DLG5: variants seen among roughly 807,000 people sequenced by gnomAD.
DLG5 encodes disks large homolog 5.
A neutral mutation model predicts 189.8 loss-of-function variants in DLG5; 48 were observed. The ratio of observed to expected loss-of-function variants is 0.25; its 90% CI spans 0.20 to 0.32. The LOEUF is 0.32. DLG5 is among the 10% of genes least tolerant of loss of function. The pLI is 1.00. For missense variants in DLG5, 2,160 were observed against 2,544.7 expected (o/e 0.85, Z 3.25); for synonymous variants, 1,016 against 1,054.1 (o/e 0.96, Z 0.70).
chr10:77,911,139 T>A (rs914891078), intron 1 of DLG5, among the ~76,000 whole-genome samples: 7 of 152,168 alleles, frequency 4.6e-5, no homozygotes, highest in African/African-American at 1.7e-4. Flanking sequence ...ATTGATTGAT[T>A]GATTGATTGA....
chr10:77,913,084 A>G (rs1319393706), intron 1 of DLG5, among the ~76,000 whole-genome samples: 2 of 152,224 alleles, frequency 1.3e-5, no homozygotes, highest in Admixed American at 6.5e-5. Flanking sequence ...TGGCTAAAAA[A>G]AATAAAAATA....
chr10:77,936,835 C>T, the DLG5 span, among the ~76,000 whole-genome samples: 1 of 152,206 alleles, frequency 6.6e-6, no homozygotes, highest in Non-Finnish European at 1.5e-5. Flanking sequence ...ATCCCTTCTT[C>T]CTGTTAAAAC....
chr10:77,868,695 C>G (rs928386037), intron 2 of DLG5: 1 of 232,016 alleles, frequency 4.3e-6, no homozygotes, highest in Non-Finnish European at 8.5e-6. Context: ...CAGAGAAGGG[C>G]TGGCCTCATT....
chr10:77,825,832 C>T (rs948808911), intron 13 of DLG5, among the ~76,000 whole-genome samples: 2 of 152,176 alleles, frequency 1.3e-5, no homozygotes, highest in Admixed American at 6.5e-5. Flanking sequence ...GCTAGGATTA[C>T]AGGCGTGAGC....
At position 77,821,968 on chromosome 10, in the gene DLG5, T is replaced by C. The variant is rs1589156914; in HGVS notation, c.2516A>G (p.Asn839Ser). 4 of 1,614,264 alleles carry C rather than the reference T, an allele frequency of 2.5e-6. No homozygotes were observed. The highest frequency in any genetic ancestry group is 1.1e-5 in the South Asian group (1 of 91,090). The change falls in exon 15 of 32, where the codon AAT becomes AGT. Residue 839 changes from asparagine (N) to serine (S), a missense_variant. By Grantham distance (46) the Asn-to-Ser change is conservative (BLOSUM62 1). This residue lies in a region of DLG5 where 754 missense variants were observed against 746.5 expected (regional missense o/e 1.01). Coordinates refer to ENST00000372391, the MANE Select transcript of DLG5 (RefSeq NM_004747.4). The stretch of plus-strand genomic sequence containing the variant: ...GAAGATGTCTGTCTGCGTGGAGTTA[T>C]TGTGCTGTATCAAGTTCCGTTTGTT... ...AHNKRNLIQH[N>S]NSTQTDIFYT... is the part of the protein sequence containing the mutation.
At chr10:77,935,162 G>A in the DLG5 span, among the ~76,000 whole-genome samples, 1 of 152,034 alleles carries the variant, frequency 6.6e-6, no homozygotes, top group Non-Finnish European at 1.5e-5. Context: ...AGCCTTAAAT[G>A]GGTGCTGTTC....
At position 77,790,959 on chromosome 10, in the gene DLG5, AG is replaced by A. The variant is rs1840620470; in HGVS notation, c.*1480del. On this transcript the variant is annotated 3_prime_UTR_variant, in exon 32 of 32. Coordinates refer to ENST00000372391, the MANE Select transcript of DLG5 (RefSeq NM_004747.4). ...CTTAGAAAACAGCCCCTACCCCCAG[AG>A]GGTCTGCGAGTTAATACCTTGAGAA... is the stretch of plus-strand genomic sequence containing the variant. 6.6e-6 allele frequency: 1 copy of A among 152,282 alleles called. No homozygotes were observed. Among genetic ancestry groups the A allele is most frequent in the East Asian group, 1.9e-4 (1 of 5,194 alleles). 9.4% of individuals were successfully genotyped at this position (152,282 alleles called of 1,614,324 possible).
intron 1 of DLG5, among the ~76,000 whole-genome samples, chr10:77,875,116 C>T (rs548770563): frequency 5.3e-5 from 8 of 152,264 alleles, no homozygotes; most frequent in East Asian, 1.9e-4. Context: ...TGCTGAAGGT[C>T]GTGCTAGGGC....
Position 77,869,121 on chromosome 10 carries a change from G to T in DLG5, c.373+8C>A. 1 of 1,613,162 alleles carries T rather than the reference G, an allele frequency of 6.2e-7. No homozygotes were observed. Among genetic ancestry groups the T allele is most frequent in the Non-Finnish European group, 8.5e-7 (1 of 1,179,372 alleles). On this transcript the variant is annotated splice_region_variant and intron_variant, in intron 2 of 31. Coordinates refer to ENST00000372391, the MANE Select transcript of DLG5 (RefSeq NM_004747.4). ...CACCCGGTGTCCTCCCCAGACAGTGGTACTCACCCACACTGCTGAGGGAGC... is the reference window on the plus strand; with the variant it reads ...CACCCGGTGTCCTCCCCAGACAGTGTTACTCACCCACACTGCTGAGGGAGC...
intron 1 of DLG5, among the ~76,000 whole-genome samples, chr10:77,891,212 C>A (rs1845596915): frequency 6.6e-6 from 1 of 152,192 alleles, no homozygotes; most frequent in African/African-American, 2.4e-5. Context: ...AGGCTGGGGT[C>A]AGGGTGGTTT....
intron 2 of DLG5, among the ~76,000 whole-genome samples, chr10:77,864,352 G>C (rs1181526075): frequency 6.6e-6 from 1 of 152,214 alleles, no homozygotes; most frequent in African/African-American, 2.4e-5. Flanking sequence ...CTGCCCGGGA[G>C]AGGCAAAGCA....
intron 1 of DLG5, among the ~76,000 whole-genome samples, chr10:77,899,376 G>A (rs535299681): frequency 3.3e-5 from 5 of 152,326 alleles, no homozygotes; most frequent in East Asian, 1.9e-4. Flanking sequence ...TACAATGGGC[G>A]TGCCCTCAGG....
At chr10:77,898,539 G>A (rs1023032199) in intron 1 of DLG5, among the ~76,000 whole-genome samples, 1 of 152,238 alleles carries the variant, frequency 6.6e-6, no homozygotes, top group Non-Finnish European at 1.5e-5. Context: ...GGCTATTAAA[G>A]CCAGAAAAGG....
intron 1 of DLG5, among the ~76,000 whole-genome samples, chr10:77,892,344 G>A (rs977927805): frequency 6.6e-6 from 1 of 152,208 alleles, no homozygotes; most frequent in Non-Finnish European, 1.5e-5. Context: ...AGAAAGTGAG[G>A]ACTTGTTTGT....
intron 31 of DLG5, chr10:77,792,797 T>C: frequency 2.1e-6 from 1 of 466,154 alleles, no homozygotes; most frequent in East Asian, 3.5e-5. Flanking sequence ...TTGCAATGGT[T>C]GGGGGAATCC....
chr10:77,858,729 C>A (rs1395507083), intron 2 of DLG5, among the ~76,000 whole-genome samples: 1 of 151,738 alleles, frequency 6.6e-6, no homozygotes, highest in Non-Finnish European at 1.5e-5. Context: ...TAGCCCTAGG[C>A]TAATATATGA....
At chr10:77,901,985 C>T (rs1168518639) in intron 1 of DLG5, among the ~76,000 whole-genome samples, 1 of 152,228 alleles carries the variant, frequency 6.6e-6, no homozygotes, top group Non-Finnish European at 1.5e-5. Flanking sequence ...AGGCCACTCC[C>T]ACTTTACAGA....
At chr10:77,935,055 C>T in the DLG5 span, among the ~76,000 whole-genome samples, 1 of 152,016 alleles carries the variant, frequency 6.6e-6, no homozygotes, top group Non-Finnish European at 1.5e-5. Context: ...GATAGGGCTT[C>T]ACTATGTTAG....
chr10:77,831,868 G>A (rs1842909575), intron 9 of DLG5, among the ~76,000 whole-genome samples: 1 of 152,260 alleles, frequency 6.6e-6, no homozygotes, highest in Admixed American at 6.5e-5. Flanking sequence ...GGATGAAGAT[G>A]TAGTTCTTAA....
Sources: allele counts gnomAD v4.1 joint callset (sites outside exome capture counted in the v4.1 genomes callset), GRCh38; gene constraint gnomAD v4.1.1; regional missense constraint gnomAD v4.1.1; transcripts MANE v1.5; gene names NCBI Gene and HGNC (gene_info 2026-07-23, HGNC 2026-07-21).